Variants in SLC23A2 observed in about 807,000 individuals in gnomAD.
SLC23A2 encodes solute carrier family 23 member 2.
Under a neutral mutation model 73.3 loss-of-function variants are expected in SLC23A2, and 36 were observed. That is an observed-to-expected ratio of 0.49 (90% CI 0.38 to 0.65). The LOEUF (loss-of-function observed/expected upper bound fraction) is 0.65. Among genes scored for constraint, SLC23A2 ranks in the 30% least tolerant of loss-of-function variants. SLC23A2 has a pLI of 0.00. For synonymous variants in SLC23A2, 343 were observed against 327.3 expected, an observed-to-expected ratio of 1.05 and a Z score of -0.52; for missense variants, 507 against 841.6, an observed-to-expected ratio of 0.60 and a Z score of 4.92.
chr20:4,937,851 G>A (rs2086983925), intron 2 of SLC23A2, among the ~76,000 whole-genome samples: 1 of 152,012 alleles, frequency 6.6e-6, no homozygotes, highest in Admixed American at 6.6e-5. Flanking sequence ...TTTTGAGGGG[G>A]CACTGAGGGG....
chr20:4,853,694 T>TA lies in SLC23A2; in HGVS notation c.*3277dup, dbSNP rs1929608668. The TA allele has an allele frequency of 1.3e-5, 2 of 152,626 alleles. No homozygotes were observed. Among genetic ancestry groups the TA allele is most frequent in the South Asian group, 4.1e-4 (2 of 4,828 alleles). 9.5% of individuals were successfully genotyped at this position (152,626 alleles called of 1,614,324 possible). The stretch of plus-strand genomic sequence containing the variant: ...TCATGAAAGTCGGTATTCTACAGCA[T>TA]AAAGCAAAACCTCTGTGCGAATTTG... On this transcript the variant is annotated 3_prime_UTR_variant, in exon 17 of 17. Coordinates refer to ENST00000338244, the MANE Select transcript of SLC23A2 (RefSeq NM_005116.6).
At chr20:4,871,732 C>T (rs144497271) in intron 11 of SLC23A2, among the ~76,000 whole-genome samples, 71 of 152,216 alleles carry the variant, frequency 4.7e-4, no homozygotes, top group African/African-American at 1.5e-3. Flanking sequence ...GGATGGGGCT[C>T]GACACACCCT....
intron 5 of SLC23A2, among the ~76,000 whole-genome samples, chr20:4,900,565 A>C (rs1931706374): frequency 6.6e-6 from 1 of 152,214 alleles, no homozygotes; most frequent in Non-Finnish European, 1.5e-5. Flanking sequence ...CTGGGGATTA[A>C]AGTTACATAA....
chr20:4,988,233 C>T (rs968607537), intron 1 of SLC23A2, among the ~76,000 whole-genome samples: 1 of 151,454 alleles, frequency 6.6e-6, no homozygotes, highest in Non-Finnish European at 1.5e-5. Context: ...ACCAGGGAGG[C>T]GGAGGTTGCA....
At chr20:4,896,328 C>A (rs560551611) in intron 6 of SLC23A2, among the ~76,000 whole-genome samples, 133 of 152,240 alleles carry the variant, frequency 8.7e-4, no homozygotes, top group Non-Finnish European at 1.7e-3. Flanking sequence ...GGAGCAGGAG[C>A]CCCCACCGGA....
At chr20:4,875,065 A>G (rs1430294494) in intron 9 of SLC23A2, among the ~76,000 whole-genome samples, 1 of 152,218 alleles carries the variant, frequency 6.6e-6, no homozygotes, top group African/African-American at 2.4e-5. Context: ...ATAAACTGTA[A>G]GATTATAACT....
intron 4 of SLC23A2, among the ~76,000 whole-genome samples, chr20:4,908,858 T>G (rs1932047604): frequency 6.6e-6 from 1 of 152,170 alleles, no homozygotes; most frequent in South Asian, 2.1e-4. Flanking sequence ...TGCTTGAAAC[T>G]GGGGGGCGGA....
At chr20:4,874,718 A>G in intron 9 of SLC23A2, 22 bp from the exon 10 acceptor site, 1 of 1,564,160 alleles carries the variant, frequency 6.4e-7, no homozygotes, top group Non-Finnish European at 8.7e-7. Context: ...AAGAAAACAA[A>G]CTAGGTCAAA....
chr20:4,908,040 G>A (rs1932018682), intron 4 of SLC23A2, among the ~76,000 whole-genome samples: 1 of 152,138 alleles, frequency 6.6e-6, no homozygotes, highest in South Asian at 2.1e-4. Context: ...AAAGCTCCGT[G>A]CTAAGAGGAA....
chr20:4,992,807 G>C (rs2087950170), intron 1 of SLC23A2, among the ~76,000 whole-genome samples: 1 of 151,712 alleles, frequency 6.6e-6, no homozygotes, highest in African/African-American at 2.4e-5. Context: ...ACCGCGCTTG[G>C]CCAACAGACT....
At chr20:4,978,805 C>A (rs984069079) in intron 1 of SLC23A2, among the ~76,000 whole-genome samples, 3 of 152,166 alleles carry the variant, frequency 2.0e-5, no homozygotes, top group African/African-American at 4.8e-5. Flanking sequence ...AAGGAGCCAA[C>A]AAGACTAGCA....
chr20:4,990,481 TGCTACTC>T (rs2087907446), intron 1 of SLC23A2, among the ~76,000 whole-genome samples: 1 of 151,696 alleles, frequency 6.6e-6, no homozygotes, highest in Non-Finnish European at 1.5e-5. Flanking sequence ...TTGATTCCCA[TGCTACTC>T]AGCCTCCTGA....
At chr20:4,882,204 G>A (rs561484491) in intron 9 of SLC23A2, among the ~76,000 whole-genome samples, 3 of 152,106 alleles carry the variant, frequency 2.0e-5, no homozygotes, top group South Asian at 2.1e-4. Context: ...TGGTGAAACC[G>A]TCTCTACTAA....
intron 3 of SLC23A2, among the ~76,000 whole-genome samples, chr20:4,914,765 A>G (rs917587212): frequency 6.6e-6 from 1 of 152,156 alleles, no homozygotes; most frequent in Non-Finnish European, 1.5e-5. Context: ...AAAGCACTGG[A>G]CACGGTGGCT....
At chr20:4,961,090 C>CTTTTTTTT (rs575903187) in intron 2 of SLC23A2, among the ~76,000 whole-genome samples, 1 of 143,558 alleles carries the variant, frequency 7.0e-6, no homozygotes, top group African/African-American at 2.6e-5. Flanking sequence ...ATTACACATC[C>CTTTTTTTT]TTTTTTTTTT....
At chr20:4,982,425 C>T (rs1187101689) in intron 1 of SLC23A2, among the ~76,000 whole-genome samples, 2 of 152,176 alleles carry the variant, frequency 1.3e-5, no homozygotes, top group Non-Finnish European at 2.9e-5. Context: ...ATATGTAATT[C>T]TTGGCAATAC....
At chr20:4,960,274 T>G (rs767757552) in intron 2 of SLC23A2, among the ~76,000 whole-genome samples, 1 of 152,228 alleles carries the variant, frequency 6.6e-6, no homozygotes, top group African/African-American at 2.4e-5. Context: ...TTGGCAAGAC[T>G]GTGAATAAAC....
chr20:4,948,922 AG>A (rs1399132465), intron 2 of SLC23A2, among the ~76,000 whole-genome samples: 12 of 152,316 alleles, frequency 7.9e-5, no homozygotes, highest in African/African-American at 2.9e-4. Flanking sequence ...CTCTCCATGA[AG>A]TTTGTTTCAC....
chr20:4,973,395 T>C (rs2087595127), intron 1 of SLC23A2, among the ~76,000 whole-genome samples: 1 of 152,200 alleles, frequency 6.6e-6, no homozygotes, highest in South Asian at 2.1e-4. Flanking sequence ...GAAGCGAAAG[T>C]ACTATGACTC....
Sources: allele counts gnomAD v4.1 joint callset (sites outside exome capture counted in the v4.1 genomes callset), GRCh38; gene constraint gnomAD v4.1.1; transcripts MANE v1.5; gene names NCBI Gene and HGNC (gene_info 2026-07-23, HGNC 2026-07-21).